Variants in MANBA observed in about 807,000 individuals in gnomAD.
The protein encoded by MANBA is mannosidase beta.
Under a neutral mutation model 111.1 loss-of-function variants are expected in MANBA, and 83 were observed. The ratio of observed to expected loss-of-function variants is 0.75; its 90% CI spans 0.63 to 0.90. MANBA has a LOEUF of 0.90. MANBA is among the 40% of genes least tolerant of loss of function. The probability of loss-of-function intolerance (pLI) is 0.00; values close to 1 mark genes in which losing one functional copy is unlikely to be tolerated. For synonymous variants in MANBA, 370 were observed against 378.7 expected, an observed-to-expected ratio of 0.98 and a Z score of 0.27; for missense variants, 1,036 against 1,069.0, an observed-to-expected ratio of 0.97 and a Z score of 0.43.
intron 1 of MANBA, chr4:102,728,326 G>A: frequency 1.9e-6 from 1 of 534,304 alleles, no homozygotes; most frequent in Non-Finnish European, 3.8e-6. Flanking sequence ...TGCTCCTTGG[G>A]CCCATGAGGA....
At chr4:102,698,070 T>C (rs1254514002) in intron 5 of MANBA, among the ~76,000 whole-genome samples, 12 of 152,046 alleles carry the variant, frequency 7.9e-5, no homozygotes. Context: ...TGAGATGGTA[T>C]CTCATTGTGG....
In MANBA at chr4:102,745,834, T is replaced by C. The variant is rs184475987; in HGVS notation, c.177+14884A>G. On this transcript the variant is annotated intron_variant, in intron 1 of 16. Coordinates refer to ENST00000647097, the MANE Select transcript of MANBA (RefSeq NM_005908.4). ...TATGACTCTTCTCCAGATTTCTGCT[T>C]ATATAAATTAGAAAACTCAAGCAGT... Among the ~76,000 whole-genome samples, 75 of 152,298 alleles carry C rather than the reference T, an allele frequency of 4.9e-4. No individual in the cohort carries two copies. In the East Asian group the frequency reaches 0.012, roughly 25 times the overall value.
intron 5 of MANBA, among the ~76,000 whole-genome samples, chr4:102,713,471 G>A (rs1722171538): frequency 6.6e-6 from 1 of 152,174 alleles, no homozygotes; most frequent in African/African-American, 2.4e-5. Flanking sequence ...ACACAGCGCT[G>A]AGCAAAGAAA....
chr4:102,632,828 A>G (rs570819275), intron 16 of MANBA, among the ~76,000 whole-genome samples: 1 of 152,364 alleles, frequency 6.6e-6, no homozygotes, highest in East Asian at 1.9e-4. Flanking sequence ...AATTCCACAA[A>G]ATAGCAGCAA....
At chr4:102,669,724 T>C (rs1276559133) in intron 9 of MANBA, among the ~76,000 whole-genome samples, 1 of 152,166 alleles carries the variant, frequency 6.6e-6, no homozygotes, top group African/African-American at 2.4e-5. Flanking sequence ...CTCACGCCTG[T>C]AATCCCAGAA....
At chr4:102,635,110 G>T (rs1426916461) in intron 15 of MANBA, 65 bp from the exon 16 acceptor site, 1 of 1,563,530 alleles carries the variant, frequency 6.4e-7, no homozygotes, top group East Asian at 2.2e-5. Context: ...AGGAACAATA[G>T]TAGTAATAAT....
At chr4:102,755,232 T>G (rs1363604353) in intron 1 of MANBA, among the ~76,000 whole-genome samples, 3 of 152,134 alleles carry the variant, frequency 2.0e-5, no homozygotes, top group Admixed American at 1.3e-4. Flanking sequence ...ACTACAAGGC[T>G]ACAGTAACCA....
chr4:102,644,325 T>C (rs1730008283), intron 13 of MANBA, among the ~76,000 whole-genome samples: 1 of 152,142 alleles, frequency 6.6e-6, no homozygotes, highest in Non-Finnish European at 1.5e-5. Context: ...GTTGAAGAGA[T>C]ATCCACACTC....
In MANBA at chr4:102,689,583, T is replaced by C; in HGVS notation, c.951A>G (p.Lys317=). ...TAAATTACTTACTTACCTTAGCTGA[T>C]TTTTCAATATTTAAGCCTCCATCCA... The part of the protein sequence containing the change: ...FELDGGLNIE[K]SAKVYFRTVE... Residue 317 remains lysine, a synonymous_variant, in exon 7 of 17, where the codon AAA becomes AAG. Transcript: ENST00000647097. 6.3e-7 allele frequency: 1 copy of C among 1,578,992 alleles called. No homozygotes were observed. The highest frequency in any genetic ancestry group is 8.7e-7 in the Non-Finnish European group (1 of 1,151,112).
intron 12 of MANBA, among the ~76,000 whole-genome samples, chr4:102,654,341 A>G (rs913460867): frequency 1.3e-5 from 2 of 152,152 alleles, no homozygotes; most frequent in African/African-American, 4.8e-5. Flanking sequence ...CACAATGTAT[A>G]TATGTTTCAA....
chr4:102,689,571 T>C lies in MANBA; in HGVS notation c.960+3A>G, dbSNP rs1238408217. The C allele has an allele frequency of 2.0e-6, 3 of 1,509,138 alleles. No homozygotes were observed. The Admixed American group carries it at 5.1e-5, about 26-fold the overall frequency. 93.5% of individuals were successfully genotyped at this position (1,509,138 alleles called of 1,614,324 possible). On this transcript the variant is annotated splice_donor_region_variant and intron_variant, in intron 7 of 16. Transcript: ENST00000647097. ...CACAAAATATTTTAAATTACTTACT[T>C]ACCTTAGCTGATTTTTCAATATTTA... is the stretch of plus-strand genomic sequence containing the variant.
chr4:102,671,434 GAA>G, intron 8 of MANBA, 36 bp from the exon 9 acceptor site: 1 of 1,098,284 alleles, frequency 9.1e-7, no homozygotes, highest in East Asian at 2.8e-5. Flanking sequence ...TCATAATTTG[GAA>G]AAAAAAAACA....
intron 5 of MANBA, among the ~76,000 whole-genome samples, chr4:102,695,528 G>A (rs1732667397): frequency 6.6e-6 from 1 of 152,110 alleles, no homozygotes; most frequent in African/African-American, 2.4e-5. Flanking sequence ...TACCCTCATT[G>A]GGTGGTAATG....
chr4:102,675,965 C>T (rs745525309), intron 7 of MANBA, among the ~76,000 whole-genome samples: 1 of 151,502 alleles, frequency 6.6e-6, no homozygotes, highest in South Asian at 2.1e-4. Context: ...AACAAGACTC[C>T]GTCTTGAAAA....
chr4:102,710,515 A>G (rs1648149621), intron 5 of MANBA, among the ~76,000 whole-genome samples: 1 of 152,220 alleles, frequency 6.6e-6, no homozygotes, highest in Admixed American at 6.5e-5. Flanking sequence ...AAGAGGTCAC[A>G]CAAACAAATC....
chr4:102,654,810 TC>T (rs1730490901), intron 12 of MANBA, among the ~76,000 whole-genome samples: 1 of 152,204 alleles, frequency 6.6e-6, no homozygotes, highest in African/African-American at 2.4e-5. Context: ...CCACTCATTT[TC>T]TACATTGTAT....
chr4:102,743,382 T>G (rs550067208), intron 1 of MANBA, among the ~76,000 whole-genome samples: 1 of 152,174 alleles, frequency 6.6e-6, no homozygotes, highest in Non-Finnish European at 1.5e-5. Flanking sequence ...ACTGAGAAGA[T>G]TTCCCTTCAC....
intron 1 of MANBA, chr4:102,728,606 G>T (rs1177868638): frequency 2.1e-6 from 1 of 475,216 alleles, no homozygotes; most frequent in Non-Finnish European, 3.8e-6. Context: ...AGGCATGGGG[G>T]GTCCCCAGGT....
intron 1 of MANBA, among the ~76,000 whole-genome samples, chr4:102,756,797 TAAA>T (rs35787338): frequency 0.021 from 1,515 of 71,944 alleles, 14 homozygotes; most frequent in African/African-American, 0.074. Context: ...AGAGACTATC[TAAA>T]AAAAAAAAAA....
Sources: allele counts gnomAD v4.1 joint callset (sites outside exome capture counted in the v4.1 genomes callset), GRCh38; gene constraint gnomAD v4.1.1; transcripts MANE v1.5; gene names NCBI Gene and HGNC (gene_info 2026-07-23, HGNC 2026-07-21).